GUCY1A2: variants seen among roughly 807,000 people sequenced by gnomAD.
The protein encoded by GUCY1A2 is guanylate cyclase soluble subunit alpha-2.
A neutral mutation model predicts 63.5 loss-of-function variants in GUCY1A2; 27 were observed. The ratio of observed to expected loss-of-function variants is 0.43; its 90% confidence interval spans 0.31 to 0.59. The LOEUF (loss-of-function observed/expected upper bound fraction) is 0.59. Among genes scored for constraint, GUCY1A2 ranks in the 20% least tolerant of loss-of-function variants. GUCY1A2 has a pLI of 0.11. For missense variants in GUCY1A2, 768 were observed against 913.3 expected (o/e 0.84, Z 2.05); for synonymous variants, 364 against 343.5 (o/e 1.06, Z -0.66).
intron 6 of GUCY1A2, among the ~76,000 whole-genome samples, chr11:106,716,794 A>T (rs1863223380): frequency 1.7e-5 from 2 of 117,012 alleles, no homozygotes; most frequent in Non-Finnish European, 1.8e-5. Context: ...AAAAAAAAAA[A>T]GATAAGAGTA....
chr11:106,827,306 G>T, intron 4 of GUCY1A2: 1 of 1,554,038 alleles, frequency 6.4e-7, no homozygotes, highest in South Asian at 1.1e-5. Flanking sequence ...TCAGCAATGA[G>T]CTTTGAAGTC....
At chr11:106,789,252 G>C (rs570906422) in intron 5 of GUCY1A2, among the ~76,000 whole-genome samples, 1 of 152,180 alleles carries the variant, frequency 6.6e-6, no homozygotes, top group African/African-American at 2.4e-5. Flanking sequence ...TCTTCGGCTT[G>C]ATCAATTCTG....
At chr11:106,720,070 AAAGGCCAC>A (rs1317021002) in intron 6 of GUCY1A2, among the ~76,000 whole-genome samples, 3 of 152,208 alleles carry the variant, frequency 2.0e-5, no homozygotes, top group African/African-American at 7.2e-5. Context: ...GATGGCTTTT[AAAGGCCAC>A]AAAAATATAT....
chr11:106,807,286 G>C (rs1429765142), intron 5 of GUCY1A2, among the ~76,000 whole-genome samples: 1 of 152,014 alleles, frequency 6.6e-6, no homozygotes, highest in African/African-American at 2.4e-5. Flanking sequence ...AATAGTTCAT[G>C]GTTTAAAATA....
intron 5 of GUCY1A2, among the ~76,000 whole-genome samples, chr11:106,779,940 G>A (rs1864429475): frequency 6.6e-6 from 1 of 152,156 alleles, no homozygotes; most frequent in South Asian, 2.1e-4. Flanking sequence ...CAACATTTTG[G>A]GAGACCAAGG....
intron 4 of GUCY1A2, among the ~76,000 whole-genome samples, chr11:106,864,220 TAAG>T (rs1027821235): frequency 2.4e-4 from 22 of 93,138 alleles, no homozygotes; most frequent in African/African-American, 7.3e-4. Flanking sequence ...ATAATAATAA[TAAG>T]AAGAAGAAGA....
At chr11:106,750,450 A>G (rs1259280530) in intron 6 of GUCY1A2, among the ~76,000 whole-genome samples, 1 of 152,096 alleles carries the variant, frequency 6.6e-6, no homozygotes, top group South Asian at 2.1e-4. Context: ...CCTCAGTCCA[A>G]TCAAGTTGAC....
chr11:106,832,491 T>C (rs1473802218), intron 4 of GUCY1A2, among the ~76,000 whole-genome samples: 1 of 152,144 alleles, frequency 6.6e-6, no homozygotes, highest in Non-Finnish European at 1.5e-5. Context: ...AAATGATGTG[T>C]CCAGGGTCTA....
At chr11:106,821,603 A>C (rs944805537) in intron 4 of GUCY1A2, among the ~76,000 whole-genome samples, 14 of 152,186 alleles carry the variant, frequency 9.2e-5, no homozygotes, top group African/African-American at 3.4e-4. Context: ...TGTTCTGCAA[A>C]GACAGAAAAT....
chr11:106,866,815 T>G (rs1859600490), intron 4 of GUCY1A2, among the ~76,000 whole-genome samples: 1 of 152,026 alleles, frequency 6.6e-6, no homozygotes, highest in Non-Finnish European at 1.5e-5. Flanking sequence ...TTTTCTGAAA[T>G]GCAGACAATG....
intron 4 of GUCY1A2, among the ~76,000 whole-genome samples, chr11:106,885,923 A>C (rs567385650): frequency 6.6e-6 from 1 of 152,316 alleles, no homozygotes; most frequent in East Asian, 1.9e-4. Flanking sequence ...TTCTAAAAAT[A>C]TGCTCACACA....
At chr11:106,963,389 T>C (rs17106238) in intron 3 of GUCY1A2, among the ~76,000 whole-genome samples, 2,820 of 152,276 alleles carry the variant, frequency 0.019, 81 homozygotes, top group African/African-American at 0.064. Context: ...CCTTAAGCAA[T>C]AGAAGTAGTC....
chr11:106,898,296 C>A (rs1282238225), intron 4 of GUCY1A2, among the ~76,000 whole-genome samples: 6 of 152,152 alleles, frequency 3.9e-5, no homozygotes, highest in African/African-American at 1.4e-4. Context: ...CAGTTTCTTA[C>A]AAAGCTAAAC....
intron 6 of GUCY1A2, among the ~76,000 whole-genome samples, chr11:106,754,303 A>G (rs541716552): frequency 6.6e-6 from 1 of 152,324 alleles, no homozygotes; most frequent in Admixed American, 6.5e-5. Context: ...ATCTGCAAAC[A>G]GAGACAATTT....
intron 3 of GUCY1A2, among the ~76,000 whole-genome samples, chr11:106,978,168 C>T (rs1861287188): frequency 6.6e-6 from 1 of 152,124 alleles, no homozygotes; most frequent in South Asian, 2.1e-4. Flanking sequence ...CAGGAGATGA[C>T]CTGCTTCACT....
chr11:106,813,134 T>A (rs1248340567), intron 4 of GUCY1A2, among the ~76,000 whole-genome samples: 1 of 152,002 alleles, frequency 6.6e-6, no homozygotes, highest in East Asian at 1.9e-4. Flanking sequence ...GCTTAAAATA[T>A]AAACATCTAT....
At chr11:106,695,318 G>A (rs746530276) in intron 7 of GUCY1A2, among the ~76,000 whole-genome samples, 12 of 152,108 alleles carry the variant, frequency 7.9e-5, no homozygotes, top group African/African-American at 1.4e-4. Context: ...ATTAACTTCC[G>A]AAAAGGGTAA....
At chr11:106,775,018 G>A (rs891372031) in intron 6 of GUCY1A2, among the ~76,000 whole-genome samples, 1 of 152,080 alleles carries the variant, frequency 6.6e-6, no homozygotes, top group African/African-American at 2.4e-5. Context: ...TCCCAGGTAT[G>A]TTTTTTCACA....
At chr11:106,746,041 A>G (rs1293961390) in intron 6 of GUCY1A2, among the ~76,000 whole-genome samples, 2 of 152,192 alleles carry the variant, frequency 1.3e-5, no homozygotes, top group Non-Finnish European at 2.9e-5. Flanking sequence ...AAACTGGGGC[A>G]AAAACAAAAG....
Sources: allele counts gnomAD v4.1 joint callset (sites outside exome capture counted in the v4.1 genomes callset), GRCh38; gene constraint gnomAD v4.1.1; transcripts MANE v1.5; gene names NCBI Gene and HGNC (gene_info 2026-07-23, HGNC 2026-07-21).